Variants in GRIA1 observed in about 807,000 individuals in gnomAD.
GRIA1 encodes the protein glutamate ionotropic receptor AMPA type subunit 1.
GRIA1 carries 31 observed loss-of-function variants against 99.2 expected under a neutral mutation model. The ratio of observed to expected loss-of-function variants is 0.31; its 90% CI spans 0.23 to 0.42. The LOEUF (loss-of-function observed/expected upper bound fraction) is 0.42, where lower values mean the gene tolerates loss of function less well. GRIA1 is among the 10% of genes least tolerant of loss of function. The pLI, the probability that GRIA1 is intolerant of heterozygous loss-of-function variation, is 1.00. For synonymous variants in GRIA1, 438 were observed against 432.4 expected, an observed-to-expected ratio of 1.01 and a Z score of -0.16; for missense variants, 782 against 1,157.5, an observed-to-expected ratio of 0.68 and a Z score of 4.71.
At chr5:153,570,582 C>T (rs1412345048) in intron 2 of GRIA1, among the ~76,000 whole-genome samples, 1 of 152,124 alleles carries the variant, frequency 6.6e-6, no homozygotes, top group African/African-American at 2.4e-5. Context: ...AATGAAGAGT[C>T]TGAGTATTCT....
At chr5:153,575,970 G>C (rs973379977) in intron 2 of GRIA1, among the ~76,000 whole-genome samples, 4 of 152,162 alleles carry the variant, frequency 2.6e-5, no homozygotes, top group African/African-American at 9.7e-5. Context: ...CCCAGCTACT[G>C]TTACCAATTC....
intron 11 of GRIA1, among the ~76,000 whole-genome samples, chr5:153,761,943 C>G (rs533702698): frequency 6.6e-6 from 1 of 152,230 alleles, no homozygotes; most frequent in African/African-American, 2.4e-5. Context: ...CATGATCTCA[C>G]TTACATGTGG....
chr5:153,599,670 G>A (rs1467391770), intron 2 of GRIA1, among the ~76,000 whole-genome samples: 3 of 152,094 alleles, frequency 2.0e-5, no homozygotes, highest in Admixed American at 2.0e-4. Context: ...ATCTGCAAAC[G>A]TAGAACCCAC....
intron 2 of GRIA1, among the ~76,000 whole-genome samples, chr5:153,618,077 A>G (rs1581341031): frequency 6.6e-6 from 1 of 152,344 alleles, no homozygotes; most frequent in Middle Eastern, 3.4e-3. Context: ...TTTTCTTCCC[A>G]GAGGTAACCT....
intron 7 of GRIA1, among the ~76,000 whole-genome samples, chr5:153,683,860 G>T (rs1757159438): frequency 6.6e-6 from 1 of 152,298 alleles, no homozygotes; most frequent in South Asian, 2.1e-4. Flanking sequence ...AAACTAAGAA[G>T]CAGATAGTTT....
At chr5:153,647,911 C>T (rs1288472889) in intron 3 of GRIA1, among the ~76,000 whole-genome samples, 1 of 152,212 alleles carries the variant, frequency 6.6e-6, no homozygotes, top group African/African-American at 2.4e-5. Context: ...TGCAGGATGT[C>T]CCTATTCCCC....
chr5:153,687,642 G>A (rs1391124821), intron 8 of GRIA1, among the ~76,000 whole-genome samples: 1 of 152,174 alleles, frequency 6.6e-6, no homozygotes, highest in Non-Finnish European at 1.5e-5. Context: ...GTAGCCACAT[G>A]TGGCTAGTGG....
intron 5 of GRIA1, among the ~76,000 whole-genome samples, chr5:153,662,418 T>C (rs1409213622): frequency 6.6e-6 from 1 of 152,186 alleles, no homozygotes; most frequent in Non-Finnish European, 1.5e-5. Flanking sequence ...AATCACAGCC[T>C]GTGAAAATAT....
chr5:153,788,213 G>C (rs971375183), intron 13 of GRIA1, among the ~76,000 whole-genome samples: 1 of 152,018 alleles, frequency 6.6e-6, no homozygotes, highest in Non-Finnish European at 1.5e-5. Flanking sequence ...AAATCAGCTC[G>C]AATCTTTCCT....
At chr5:153,555,842 T>G (rs957630539) in intron 2 of GRIA1, among the ~76,000 whole-genome samples, 10 of 152,206 alleles carry the variant, frequency 6.6e-5, no homozygotes, top group African/African-American at 2.4e-4. Flanking sequence ...GGAAAGAAGC[T>G]AAAATTGTCC....
At chr5:153,557,551 T>C (rs1418578727) in intron 2 of GRIA1, among the ~76,000 whole-genome samples, 2 of 152,248 alleles carry the variant, frequency 1.3e-5, no homozygotes, top group Non-Finnish European at 2.9e-5. Context: ...ATTGTACAAC[T>C]ATACAACTTT....
chr5:153,527,145 C>T (rs1757672236), intron 2 of GRIA1, among the ~76,000 whole-genome samples: 1 of 152,158 alleles, frequency 6.6e-6, no homozygotes, highest in Non-Finnish European at 1.5e-5. Context: ...GAACACAATC[C>T]TGAACTCCGC....
chr5:153,651,517 G>A (rs576611398), intron 4 of GRIA1, among the ~76,000 whole-genome samples: 26 of 152,250 alleles, frequency 1.7e-4, no homozygotes, highest in Admixed American at 6.5e-4. Flanking sequence ...GGTAGCAGAC[G>A]TTGCAATAAC....
intron 7 of GRIA1, among the ~76,000 whole-genome samples, chr5:153,684,452 C>T (rs962452856): frequency 6.6e-6 from 1 of 152,196 alleles, no homozygotes; most frequent in Non-Finnish European, 1.5e-5. Flanking sequence ...AGATTATGTA[C>T]TCTGCCATAC....
intron 11 of GRIA1, among the ~76,000 whole-genome samples, chr5:153,743,406 G>A (rs1457368756): frequency 1.3e-5 from 2 of 152,184 alleles, no homozygotes; most frequent in African/African-American, 4.8e-5. Context: ...CAAGATGTCA[G>A]CCTGCTGAGC....
At chr5:153,579,532 C>G (rs1234904343) in intron 2 of GRIA1, among the ~76,000 whole-genome samples, 3 of 152,102 alleles carry the variant, frequency 2.0e-5, no homozygotes, top group Non-Finnish European at 4.4e-5. Context: ...CCCCCCGTTA[C>G]TTATAAAGAA....
intron 4 of GRIA1, among the ~76,000 whole-genome samples, chr5:153,653,740 C>T (rs966807657): frequency 1.3e-5 from 2 of 152,176 alleles, no homozygotes; most frequent in Non-Finnish European, 2.9e-5. Context: ...GCACAGAGAC[C>T]TTGCCTCACT....
At chr5:153,616,559 G>T (rs954884227) in intron 2 of GRIA1, among the ~76,000 whole-genome samples, 5 of 152,300 alleles carry the variant, frequency 3.3e-5, no homozygotes, top group Admixed American at 2.0e-4. Flanking sequence ...ATCCTGGGCT[G>T]CATGTGGCTC....
chr5:153,552,220 A>G (rs996562608), intron 2 of GRIA1, among the ~76,000 whole-genome samples: 1 of 149,760 alleles, frequency 6.7e-6, no homozygotes, highest in Non-Finnish European at 1.5e-5. Context: ...GACTTTGAAT[A>G]GAAATTTGGA....
Sources: allele counts gnomAD v4.1 joint callset (sites outside exome capture counted in the v4.1 genomes callset), GRCh38; gene constraint gnomAD v4.1.1; transcripts MANE v1.5; gene names NCBI Gene and HGNC (gene_info 2026-07-23, HGNC 2026-07-21).